FAM120AOS: variants seen among roughly 807,000 people sequenced by gnomAD.
FAM120AOS encodes uncharacterized protein FAM120AOS.
Under a neutral mutation model 20.2 loss-of-function variants are expected in FAM120AOS, and 15 were observed. The ratio of observed to expected loss-of-function variants is 0.74; its 90% confidence interval spans 0.50 to 1.15. The LOEUF is 1.15. Among genes scored for constraint, FAM120AOS ranks in the 50% most tolerant of loss-of-function variants. The pLI, the probability that FAM120AOS is intolerant of heterozygous loss-of-function variation, is 0.00. For missense variants in FAM120AOS, 327 were observed against 351.9 expected (o/e 0.93, Z 0.57); for synonymous variants, 154 against 154.0 (o/e 1.00, Z 0.00).
chr9:93,448,479 C>A, intron 2 of FAM120AOS: 1 of 215,612 alleles, frequency 4.6e-6, no homozygotes, highest in South Asian at 5.3e-5. Context: ...GGCAACAGAG[C>A]AAGACTCCAT....
At chr9:93,450,650 T>C (rs757860614) in intron 1 of FAM120AOS, 51 bp from the exon 2 acceptor site, 1 of 1,605,646 alleles carries the variant, frequency 6.2e-7, no homozygotes, top group Non-Finnish European at 8.5e-7. Context: ...AGCGGCACTT[T>C]AAAACTTTTA....
At position 93,446,814 on chromosome 9, in the gene FAM120AOS, T is replaced by G. The variant is rs1460924484; in HGVS notation, c.*797A>C. 1.3e-5 allele frequency: 2 copies of G among 152,176 alleles called. No homozygotes were observed. The highest frequency in any genetic ancestry group is 2.9e-5 in the Non-Finnish European group (2 of 68,054). The allele number at this position is 152,176 out of a possible 1,614,324, so 9.4% of individuals were successfully genotyped here. On this transcript the variant is annotated 3_prime_UTR_variant, in exon 3 of 3. Coordinates refer to ENST00000375412, the MANE Select transcript of FAM120AOS (RefSeq NM_198841.4). ...CAAAGCTATTTGGACACAAGTTTGG[T>G]GAACACGGTAAGAAAAAAACAAACC... is the stretch of plus-strand genomic sequence containing the variant.
Position 93,445,723 on chromosome 9 carries a change from T to TG in FAM120AOS, c.*1887dup, listed in dbSNP as rs1856827964. Among the ~76,000 whole-genome samples, 1 of 151,272 alleles carries TG rather than the reference T, an allele frequency of 6.6e-6. No homozygotes were observed. The highest frequency in any genetic ancestry group is 1.5e-5 in the Non-Finnish European group (1 of 67,972). On this transcript the variant is annotated 3_prime_UTR_variant, in exon 3 of 3. Transcript: ENST00000375412. The stretch of plus-strand genomic sequence containing the variant: ...TTCCCACCTCAGCCTCCTGAGAAGA[T>TG]GGGACTACAGGTGCACACCTCACCT...
At position 93,452,320 on chromosome 9, in the gene FAM120AOS, G is replaced by A. The variant is rs760909343; in HGVS notation, c.390C>T (p.Thr130=). 6.2e-7 allele frequency: 1 copy of A among 1,612,936 alleles called. No homozygotes were observed. Among genetic ancestry groups the A allele is most frequent in the African/African-American group, 1.3e-5 (1 of 74,944 alleles). ...WAMQTGGRNQ[T]FGGGVPLFWT... is the part of the protein sequence containing the mutation. The stretch of plus-strand genomic sequence containing the variant: ...AGAACAAGGGCACCCCGCCGCCAAA[G>A]GTCTGGTTCCTGCCGCCCGTCTGCA... Residue 130 remains threonine (T), a synonymous_variant, in exon 1 of 3, where the codon ACC becomes ACT. Coordinates refer to ENST00000375412, the MANE Select transcript of FAM120AOS (RefSeq NM_198841.4). This position sits in a 1 kb window ranked among gnomAD's most constrained non-coding sequence, Gnocchi z 7.0.
rs181515329 is a variant in FAM120AOS at position 93,444,757 on chromosome 9, G to A, written c.*2854C>T. Among the ~76,000 whole-genome samples, 1 of 152,158 alleles carries A rather than the reference G, an allele frequency of 6.6e-6. No homozygotes were observed. Among genetic ancestry groups the A allele is most frequent in the African/African-American group, 2.4e-5 (1 of 41,524 alleles). On this transcript the variant is annotated 3_prime_UTR_variant, in exon 3 of 3. Transcript: ENST00000375412. The stretch of plus-strand genomic sequence containing the variant: ...AGCCTCCCTAGTAGCTGGGATTACA[G>A]GCATGTGCCACCACGCCTAGCTGAT...
In FAM120AOS at chr9:93,445,583, G is replaced by GT. The variant is rs71364380; in HGVS notation, c.*2027dup. 0.097 allele frequency among the ~76,000 whole-genome samples: 7,814 copies of GT among 80,186 alleles called. 876 individuals carry two copies. The highest frequency in any genetic ancestry group is 0.2 in the African/African-American group (3,830 of 19,358). 52.6% of individuals were successfully genotyped at this position (80,186 alleles called of 152,430 possible). On this transcript the variant is annotated 3_prime_UTR_variant, in exon 3 of 3. Coordinates refer to ENST00000375412, the MANE Select transcript of FAM120AOS (RefSeq NM_198841.4). ...TTCTCCAACTTTCATAAAAATCGTT[G>GT]TTTTTTTTTTTTTTTTTTTTTTTTG...
In FAM120AOS at chr9:93,445,261, T is replaced by C. The variant is rs1588734630; in HGVS notation, c.*2350A>G. Reference sequence around the variant, plus strand: ...TCAGGTTTCTTTCTCAGAAATTGTATATATTCATCCCTGAAAGGTCTGAGA... The same window carrying C: ...TCAGGTTTCTTTCTCAGAAATTGTACATATTCATCCCTGAAAGGTCTGAGA... On this transcript the variant is annotated 3_prime_UTR_variant, in exon 3 of 3. Transcript: ENST00000375412. Among the ~76,000 whole-genome samples the C allele has an allele frequency of 6.6e-6, 1 of 151,576 alleles. No homozygotes were observed. The highest frequency in any genetic ancestry group is 6.6e-5 in the Admixed American group (1 of 15,224).
At position 93,452,591 on chromosome 9, in the gene FAM120AOS, C is replaced by A; in HGVS notation, c.119G>T (p.Trp40Leu). The A allele has an allele frequency of 6.3e-7, 1 of 1,598,180 alleles. No individual in the cohort carries two copies. Among genetic ancestry groups the A allele is most frequent in the South Asian group, 1.1e-5 (1 of 90,952 alleles). ...GCCGCGCGCTGCCCAAGCCCGTCTC[C>A]AGCTGTCCCTGTTCGGGGTCCGCGG... ...TRPRTPNRDSWRRAWAARGLH... is the reference protein window; with the variant it reads ...TRPRTPNRDSLRRAWAARGLH... The change falls in exon 1 of 3, where the codon TGG becomes TTG. Residue 40 changes from tryptophan to leucine, a missense_variant. By Grantham distance (61) the Trp-to-Leu change is moderately conservative (BLOSUM62 -2). This residue lies in a region of FAM120AOS where 155 missense variants were observed against 128.8 expected (regional missense o/e 1.20). Coordinates refer to ENST00000375412, the MANE Select transcript of FAM120AOS (RefSeq NM_198841.4). The surrounding 1 kb of genome is among the most constrained non-coding windows in gnomAD (Gnocchi z 7.0).
Position 93,452,894 on chromosome 9 carries a change from C to G in FAM120AOS, c.-185G>C, listed in dbSNP as rs1429652181. The G allele has an allele frequency of 6.9e-7, 1 of 1,443,256 alleles. No homozygotes were observed. 89.4% of individuals were successfully genotyped at this position (1,443,256 alleles called of 1,614,324 possible). ...ATCAGTGCTGCTGCCGCCGCCCTTG[C>G]CAATGTTGTTAGCCCGGTGACAGCG... On this transcript the variant is annotated 5_prime_UTR_variant, in exon 1 of 3. Transcript: ENST00000375412. The surrounding 1 kb of genome is among the most constrained non-coding windows in gnomAD (Gnocchi z 7.0).
Position 93,453,369 on chromosome 9 carries a change from A to G in FAM120AOS, c.-660T>C, listed in dbSNP as rs904953365. The G allele has an allele frequency of 2.8e-4, 272 of 985,412 alleles. 2 individuals are homozygous for G. The highest frequency in any genetic ancestry group is 1.1e-4 in the Non-Finnish European group (94 of 829,994). 61.0% of individuals were successfully genotyped at this position (985,412 alleles called of 1,614,324 possible). A position where few individuals can be genotyped will look rare whatever the true frequency, so the allele number is the denominator to read the frequency against. Reference sequence around the variant, plus strand: ...AGTGACTGTGAAGATAAGCACATCCATGATCCTGGACTTCACGTTCTGATT... The same window carrying G: ...AGTGACTGTGAAGATAAGCACATCCGTGATCCTGGACTTCACGTTCTGATT... On this transcript the variant is annotated 5_prime_UTR_variant, in exon 1 of 3. The change abolishes an upstream ATG in the 5' untranslated region. Coordinates refer to ENST00000375412, the MANE Select transcript of FAM120AOS (RefSeq NM_198841.4).
chr9:93,445,583 GTTTTTT>G lies in FAM120AOS; in HGVS notation c.*2022_*2027del, dbSNP rs71364380. Among the ~76,000 whole-genome samples, 4 of 80,100 alleles carry G rather than the reference GTTTTTT, an allele frequency of 5.0e-5. No homozygotes were observed. The highest frequency in any genetic ancestry group is 6.7e-5 in the Non-Finnish European group (3 of 44,654). 52.5% of individuals were successfully genotyped at this position (80,100 alleles called of 152,430 possible). On this transcript the variant is annotated 3_prime_UTR_variant, in exon 3 of 3. Transcript: ENST00000375412. ...TTCTCCAACTTTCATAAAAATCGTT[GTTTTTT>G]TTTTTTTTTTTTTTTTTTGAGACAA...
intron 2 of FAM120AOS, 142 bp downstream of exon 2, chr9:93,450,337 T>C (rs1043269266): frequency 3.2e-6 from 4 of 1,256,664 alleles, no homozygotes; most frequent in Non-Finnish European, 3.3e-6. Flanking sequence ...ACTAATTTTA[T>C]GCATAGGTGA....
chr9:93,452,488 G>T lies in FAM120AOS; in HGVS notation c.222C>A (p.Pro74=). The change falls in exon 1 of 3, where the codon CCC becomes CCA. Residue 74 remains proline, a synonymous_variant. Coordinates refer to ENST00000375412, the MANE Select transcript of FAM120AOS (RefSeq NM_198841.4). The surrounding 1 kb of genome is among the most constrained non-coding windows in gnomAD (Gnocchi z 7.0). ...ATGTCGCCCGGCCGTGGCGGCGCTG[G>T]GGGCAGCGAGTTCCCCCAGCCCTTG... ...SRARAGGTRC[P]QRRHGRATFC... is the part of the protein sequence containing the mutation. The T allele has an allele frequency of 1.3e-6, 2 of 1,544,214 alleles. No individual in the cohort carries two copies. The highest frequency in any genetic ancestry group is 2.7e-5 in the African/African-American group (2 of 73,440).
Position 93,453,428 on chromosome 9 carries a change from A to G in FAM120AOS, c.-719T>C. On this transcript the variant is annotated 5_prime_UTR_variant, in exon 1 of 3. Coordinates refer to ENST00000375412, the MANE Select transcript of FAM120AOS (RefSeq NM_198841.4). ...TTTTCATTGGTTTTCTTGAAAACAA[A>G]TTTTGGGGGCCTTTTTGTTGTCTTA... 2.0e-6 allele frequency: 2 copies of G among 985,412 alleles called. No homozygotes were observed. The highest frequency in any genetic ancestry group is 2.4e-6 in the Non-Finnish European group (2 of 829,934). The allele number at this position is 985,412 out of a possible 1,614,324, so 61.0% of individuals were successfully genotyped here.
rs1435328262 is a variant in FAM120AOS at position 93,447,628 on chromosome 9, A to G, written c.754T>C (p.Phe252Leu). Residue 252 changes from phenylalanine (F) to leucine (L), a missense_variant, in exon 3 of 3, where the codon TTC (phenylalanine) becomes CTC (leucine). Coordinates refer to ENST00000375412, the MANE Select transcript of FAM120AOS (RefSeq NM_198841.4). Reference sequence around the variant, plus strand: ...CTAGTTTTTCAAATTGGACTCAAGAATGATCTTAGTGTTGGTGGTTTTGTG... The same window carrying G: ...CTAGTTTTTCAAATTGGACTCAAGAGTGATCTTAGTGTTGGTGGTTTTGTG... ...KTTKPPTLRSFLSPI is the reference protein window; with the variant it reads ...KTTKPPTLRSLLSPI 1 of 1,613,964 alleles carries G rather than the reference A, an allele frequency of 6.2e-7. No homozygotes were observed. Among genetic ancestry groups the G allele is most frequent in the Non-Finnish European group, 8.5e-7 (1 of 1,179,962 alleles).
rs1428731000 is a variant in FAM120AOS at position 93,447,101 on chromosome 9, T to C, written c.*510A>G. 1 of 155,630 alleles carries C rather than the reference T, an allele frequency of 6.4e-6. No homozygotes were observed. Among genetic ancestry groups the C allele is most frequent in the Non-Finnish European group, 1.4e-5 (1 of 70,098 alleles). 9.6% of individuals were successfully genotyped at this position (155,630 alleles called of 1,614,324 possible). ...ACATGGGTGTGGTATGACTGCAAAG[T>C]ACCTGTGGAATTCAGATGGGATTAC... On this transcript the variant is annotated 3_prime_UTR_variant, in exon 3 of 3. Transcript: ENST00000375412.
chr9:93,453,474 C>T lies in FAM120AOS; in HGVS notation c.-765G>A. Reference sequence around the variant, plus strand: ...TCTTAGCTCTTGACACTCGGTCTTCCATCTTGTCATTTGACATTTCCTTGA... The same window carrying T: ...TCTTAGCTCTTGACACTCGGTCTTCTATCTTGTCATTTGACATTTCCTTGA... On this transcript the variant is annotated 5_prime_UTR_variant, in exon 1 of 3. An upstream start codon of the reference 5' UTR is lost. Coordinates refer to ENST00000375412, the MANE Select transcript of FAM120AOS (RefSeq NM_198841.4). The T allele has an allele frequency of 3.0e-6, 3 of 985,404 alleles. No homozygotes were observed. The highest frequency in any genetic ancestry group is 3.6e-6 in the Non-Finnish European group (3 of 829,928). The allele number at this position is 985,404 out of a possible 1,614,324, so 61.0% of individuals were successfully genotyped here. A position where few individuals can be genotyped will look rare whatever the true frequency, so the allele number is the denominator to read the frequency against.
intron 1 of FAM120AOS, chr9:93,451,489 A>C: frequency 9.5e-7 from 1 of 1,047,526 alleles, no homozygotes; most frequent in Non-Finnish European, 1.2e-6. Context: ...CCGGCTCAGA[A>C]GCCTCCCGGA....
At position 93,445,179 on chromosome 9, in the gene FAM120AOS, C is replaced by T. The variant is rs887105146; in HGVS notation, c.*2432G>A. 4.0e-5 allele frequency among the ~76,000 whole-genome samples: 6 copies of T among 151,894 alleles called. No homozygotes were observed. The highest frequency in any genetic ancestry group is 1.5e-4 in the African/African-American group (6 of 41,372). ...ACAGGGTACAGTAAGTCTTACCAAA[C>T]ATGTAAGACATGTTATTTGGGGATA... is the stretch of plus-strand genomic sequence containing the variant. On this transcript the variant is annotated 3_prime_UTR_variant, in exon 3 of 3. Coordinates refer to ENST00000375412, the MANE Select transcript of FAM120AOS (RefSeq NM_198841.4).
Sources: allele counts gnomAD v4.1 joint callset (sites outside exome capture counted in the v4.1 genomes callset), GRCh38; gene constraint gnomAD v4.1.1; regional missense constraint gnomAD v4.1.1; non-coding constraint Gnocchi (gnomAD v3.1); transcripts MANE v1.5; gene names NCBI Gene and HGNC (gene_info 2026-07-23, HGNC 2026-07-21).